AGAP1: variants seen among roughly 807,000 people sequenced by gnomAD.
AGAP1 encodes arf-GAP with GTPase, ANK repeat and PH domain-containing protein 1.
In AGAP1, 29 loss-of-function variants were observed where a neutral mutation model predicts 105.3. That is an observed-to-expected ratio of 0.28 (90% CI 0.21 to 0.38). AGAP1 has a LOEUF of 0.38. Ranked by LOEUF, AGAP1 falls within the 10% of genes least tolerant of loss-of-function variation. The probability of loss-of-function intolerance (pLI) is 1.00; values close to 1 mark genes in which losing one functional copy is unlikely to be tolerated. For missense variants in AGAP1, 998 were observed against 1,165.1 expected (o/e 0.86, Z 2.09); for synonymous variants, 509 against 485.9 (o/e 1.05, Z -0.63).
intron 1 of AGAP1, among the ~76,000 whole-genome samples, chr2:235,694,077 C>T (rs1356633118): frequency 6.6e-6 from 1 of 152,146 alleles, no homozygotes; most frequent in Non-Finnish European, 1.5e-5. Context: ...GATGTGGTGG[C>T]TTACACCTGT....
At position 236,002,070 on chromosome 2, in the gene AGAP1, T is replaced by C. The variant is rs970719762; in HGVS notation, c.1645+33447T>C. Among the ~76,000 whole-genome samples the C allele has an allele frequency of 6.6e-6, 1 of 152,134 alleles. No homozygotes were observed. The highest frequency in any genetic ancestry group is 1.5e-5 in the Non-Finnish European group (1 of 68,024). ...ACAGCTAGACTTGGGATGTCTGTGTTGACAGGGCCATGGGTGAGAACAGAG... is the reference window on the plus strand; with the variant it reads ...ACAGCTAGACTTGGGATGTCTGTGTCGACAGGGCCATGGGTGAGAACAGAG... On this transcript the variant is annotated intron_variant, in intron 13 of 17. Coordinates refer to ENST00000304032, the MANE Select transcript of AGAP1 (RefSeq NM_001037131.3). This position sits in a 1 kb window ranked among gnomAD's most constrained non-coding sequence, Gnocchi z 4.3.
intron 8 of AGAP1, among the ~76,000 whole-genome samples, chr2:235,802,287 A>C (rs765753095): frequency 6.6e-6 from 1 of 152,228 alleles, no homozygotes; most frequent in Admixed American, 6.5e-5. Context: ...GAGGCCGGGC[A>C]GGGCAGGTGC....
rs1302698594 is a variant in AGAP1, at chr2:235,754,855, G to A, written c.673+4367G>A. On this transcript the variant is annotated intron_variant, in intron 6 of 17. Coordinates refer to ENST00000304032, the MANE Select transcript of AGAP1 (RefSeq NM_001037131.3). This position sits in a 1 kb window ranked among gnomAD's most constrained non-coding sequence, Gnocchi z 4.6. ...CCACTAGGGAGGGTAAACATCAAAC[G>A]GTCACCCAGAAACATGACCTTGTGT... 2.0e-5 allele frequency among the ~76,000 whole-genome samples: 3 copies of A among 152,190 alleles called. No homozygotes were observed. The highest frequency in any genetic ancestry group is 2.9e-5 in the Non-Finnish European group (2 of 68,036).
intron 1 of AGAP1, among the ~76,000 whole-genome samples, chr2:235,523,917 T>G (rs995212247): frequency 4.0e-5 from 6 of 150,410 alleles, no homozygotes; most frequent in African/African-American, 1.5e-4. Flanking sequence ...GCGTGCCTCC[T>G]CATCCCTCCA....
chr2:235,495,750 C>T (rs1213045913), intron 1 of AGAP1, among the ~76,000 whole-genome samples: 2 of 152,214 alleles, frequency 1.3e-5, no homozygotes, highest in Non-Finnish European at 2.9e-5. Flanking sequence ...CTTGCTTCAT[C>T]CCTTTGGTCC....
At chr2:235,940,834 T>C (rs1328349067) in intron 12 of AGAP1, among the ~76,000 whole-genome samples, 1 of 152,154 alleles carries the variant, frequency 6.6e-6, no homozygotes, top group Non-Finnish European at 1.5e-5. Context: ...CTGTCTCCAC[T>C]TTCTTGACTA....
intron 16 of AGAP1, among the ~76,000 whole-genome samples, chr2:236,059,378 A>G (rs1195845604): frequency 1.4e-4 from 22 of 152,242 alleles, no homozygotes; most frequent in Admixed American, 1.4e-3. Flanking sequence ...GGAATATGGC[A>G]GTACTCTTCA....
chr2:236,079,239 G>A (rs2058717780), intron 16 of AGAP1, among the ~76,000 whole-genome samples: 1 of 152,028 alleles, frequency 6.6e-6, no homozygotes, highest in African/African-American at 2.4e-5. Context: ...ACCCATGCTG[G>A]CCAGGCACGG....
At chr2:235,818,978 T>A (rs1233485812) in intron 9 of AGAP1, among the ~76,000 whole-genome samples, 1 of 152,228 alleles carries the variant, frequency 6.6e-6, no homozygotes, top group African/African-American at 2.4e-5. Context: ...TCCTGGAAAG[T>A]CTGTGCTGTC....
intron 13 of AGAP1, among the ~76,000 whole-genome samples, chr2:236,034,662 C>G (rs2057325322): frequency 6.6e-6 from 1 of 152,212 alleles, no homozygotes; most frequent in Non-Finnish European, 1.5e-5. Flanking sequence ...CCCTCCCACT[C>G]CAGCCCGTAT....
intron 9 of AGAP1, among the ~76,000 whole-genome samples, chr2:235,868,006 A>T (rs1369414992): frequency 6.6e-6 from 1 of 152,144 alleles, no homozygotes; most frequent in African/African-American, 2.4e-5. Context: ...TTAAATGCAA[A>T]TGTGTGATTG....
Position 235,625,720 on chromosome 2 carries a change from T to C in AGAP1, c.164-83459T>C, listed in dbSNP as rs1318823871. ...TGGGGGAAAATAGTCGTCTGAAATA[T>C]ATTATGGTTTGTTTGTAGCTTCAGC... On this transcript the variant is annotated intron_variant, in intron 1 of 17. Coordinates refer to ENST00000304032, the MANE Select transcript of AGAP1 (RefSeq NM_001037131.3). The surrounding 1 kb of genome is among the most constrained non-coding windows in gnomAD (Gnocchi z 4.0). Among the ~76,000 whole-genome samples, 1 of 152,164 alleles carries C rather than the reference T, an allele frequency of 6.6e-6. No homozygotes were observed.
At chr2:235,791,062 G>A (rs1187168814) in intron 6 of AGAP1, among the ~76,000 whole-genome samples, 1 of 152,152 alleles carries the variant, frequency 6.6e-6, no homozygotes, top group African/African-American at 2.4e-5. Context: ...TTTCTTTATC[G>A]CTGAAAACAC....
chr2:235,540,699 T>A (rs1156608313), intron 1 of AGAP1, among the ~76,000 whole-genome samples: 1 of 152,054 alleles, frequency 6.6e-6, no homozygotes, highest in Non-Finnish European at 1.5e-5. Context: ...TAAAATGGGA[T>A]GAAGAGACCC....
chr2:235,914,818 G>A (rs1418254523), intron 11 of AGAP1, among the ~76,000 whole-genome samples: 4 of 152,198 alleles, frequency 2.6e-5, no homozygotes, highest in Admixed American at 6.5e-5. Flanking sequence ...CAGGCTGTGC[G>A]ACGAAAGCAA....
At chr2:235,546,269 G>A (rs1157503697) in intron 1 of AGAP1, among the ~76,000 whole-genome samples, 1 of 152,230 alleles carries the variant, frequency 6.6e-6, no homozygotes, top group Non-Finnish European at 1.5e-5. Flanking sequence ...CAGCAGGCCC[G>A]CAGGCCCTCG....
intron 1 of AGAP1, among the ~76,000 whole-genome samples, chr2:235,619,604 CTG>C (rs953567007): frequency 2.6e-5 from 4 of 152,156 alleles, no homozygotes; most frequent in African/African-American, 9.7e-5. Flanking sequence ...AGTGCAGTCT[CTG>C]GCCTGGAGGA....
rs2059985927 is a variant in AGAP1 at position 236,125,319 on chromosome 2, A to G, written c.*1197A>G. On this transcript the variant is annotated 3_prime_UTR_variant, in exon 18 of 18. Transcript: ENST00000304032. The surrounding 1 kb of genome is among the most constrained non-coding windows in gnomAD (Gnocchi z 5.2). The stretch of plus-strand genomic sequence containing the variant: ...TATAAATTGAACTGGATGTGAACTA[A>G]TAATGTGCAACTAGTTGAGATAAGA... The G allele has an allele frequency of 6.6e-6, 1 of 152,666 alleles. No individual in the cohort carries two copies. The allele number at this position is 152,666 out of a possible 1,614,324, so 9.5% of individuals were successfully genotyped here. A position where few individuals can be genotyped will look rare whatever the true frequency, so the allele number is the denominator to read the frequency against.
Position 236,113,177 on chromosome 2 carries a change from TTTGCCC to T in AGAP1, c.2115-7014_2115-7009del, listed in dbSNP as rs1257436860. 6.6e-6 allele frequency among the ~76,000 whole-genome samples: 1 copy of T among 152,148 alleles called. No individual in the cohort carries two copies. The highest frequency in any genetic ancestry group is 2.4e-5 in the African/African-American group (1 of 41,432). The stretch of plus-strand genomic sequence containing the variant: ...TGTTTTTGAGACGGAGTCTCGCTCT[TTTGCCC>T]AGGCTGGAGTGCAGTGGTGCAATCT... On this transcript the variant is annotated intron_variant, in intron 16 of 17. Transcript: ENST00000304032. The surrounding 1 kb of genome is among the most constrained non-coding windows in gnomAD (Gnocchi z 4.3).
Sources: allele counts gnomAD v4.1 joint callset (sites outside exome capture counted in the v4.1 genomes callset), GRCh38; gene constraint gnomAD v4.1.1; non-coding constraint Gnocchi (gnomAD v3.1); transcripts MANE v1.5; gene names NCBI Gene and HGNC (gene_info 2026-07-23, HGNC 2026-07-21).